MCFD2: variants seen among roughly 807,000 people sequenced by gnomAD.
MCFD2 encodes the protein multiple coagulation factor deficiency protein 2.
A neutral mutation model predicts 12.8 loss-of-function variants in MCFD2; 11 were observed. That is an observed-to-expected ratio of 0.86 (90% confidence interval 0.54 to 1.42). The LOEUF is 1.42. Ranked by LOEUF, MCFD2 falls within the 40% of genes most tolerant of loss-of-function variation. The pLI, the probability that MCFD2 is intolerant of heterozygous loss-of-function variation, is 0.00. For synonymous variants in MCFD2, 70 were observed against 68.1 expected (o/e 1.03, Z -0.14); for missense variants, 191 against 178.6 (o/e 1.07, Z -0.40).
At chr2:46,921,066 A>G (rs1669078692) in intron 1 of MCFD2, among the ~76,000 whole-genome samples, 1 of 152,160 alleles carries the variant, frequency 6.6e-6, no homozygotes, top group Non-Finnish European at 1.5e-5. Flanking sequence ...TAATATTCTT[A>G]GAGTGAAAGA....
At position 46,903,054 on chromosome 2, in the gene MCFD2, C is replaced by G. The variant is rs1449175046; in HGVS notation, c.*2409G>C. On this transcript the variant is annotated 3_prime_UTR_variant, in exon 4 of 4. Transcript: ENST00000319466. ...CAAATCTCAACTTGAATTGTATCTC[C>G]CAGAATTCCCACGTGTTGTGGGACA... is the stretch of plus-strand genomic sequence containing the variant. The G allele has an allele frequency of 6.6e-6, 1 of 152,184 alleles. No homozygotes were observed. The highest frequency in any genetic ancestry group is 1.9e-4 in the East Asian group (1 of 5,202). 9.4% of individuals were successfully genotyped at this position (152,184 alleles called of 1,614,324 possible). A position where few individuals can be genotyped will look rare whatever the true frequency, so the allele number is the denominator to read the frequency against.
At chr2:46,917,640 T>A (rs1273775865), upstream of MCFD2, among the ~76,000 whole-genome samples, 1 of 152,224 alleles carries the variant, frequency 6.6e-6, no homozygotes, top group African/African-American at 2.4e-5. Flanking sequence ...GTTATGTCTC[T>A]CTTGAATCTA....
In MCFD2 at chr2:46,915,715, T is replaced by A. The variant is rs1668721505; in HGVS notation, c.-7+8A>T. The A allele has an allele frequency of 1.0e-6, 1 of 961,124 alleles. No individual in the cohort carries two copies. The highest frequency in any genetic ancestry group is 1.2e-6 in the Non-Finnish European group (1 of 808,396). The allele number at this position is 961,124 out of a possible 1,614,324, so 59.5% of individuals were successfully genotyped here. A position where few individuals can be genotyped will look rare whatever the true frequency, so the allele number is the denominator to read the frequency against. Reference sequence around the variant, plus strand: ...CGCCCGCTGCGGAGAGTGCGCTAGTTCACTCACCCTTACGGTCTCCGAAGC... The same window carrying A: ...CGCCCGCTGCGGAGAGTGCGCTAGTACACTCACCCTTACGGTCTCCGAAGC... On this transcript the variant is annotated splice_region_variant and intron_variant, in intron 1 of 3. Transcript: ENST00000319466.
At chr2:46,925,676 C>T (rs1359301142) in intron 1 of MCFD2, among the ~76,000 whole-genome samples, 1 of 152,190 alleles carries the variant, frequency 6.6e-6, no homozygotes, top group African/African-American at 2.4e-5. Context: ...GACTTCTCCC[C>T]TGCCACCTCC....
Position 46,940,239 on chromosome 2 carries a change from C to T in MCFD2, c.-8+1333G>A, listed in dbSNP as rs1449672489. ...ACTCCAGAGGGAGGACGTGGAGCAC[C>T]TTCTAACTCTTAGGAGTCTGCTCAA... On this transcript the variant is annotated intron_variant, in intron 1 of 2. Transcript: ENST00000409147. This position sits in a 1 kb window ranked among gnomAD's most constrained non-coding sequence, Gnocchi z 4.7. 6.6e-6 allele frequency among the ~76,000 whole-genome samples: 1 copy of T among 152,130 alleles called. No homozygotes were observed. Among genetic ancestry groups the T allele is most frequent in the Admixed American group, 6.5e-5 (1 of 15,276 alleles).
chr2:46,920,364 C>G (rs1466248210), upstream of MCFD2, among the ~76,000 whole-genome samples: 1 of 151,976 alleles, frequency 6.6e-6, no homozygotes, highest in East Asian at 1.9e-4. Context: ...GAGTCTTGCT[C>G]AATTGCCCAG....
At chr2:46,934,260 CGAT>C (rs1256757338) in intron 1 of MCFD2, among the ~76,000 whole-genome samples, 2 of 152,146 alleles carry the variant, frequency 1.3e-5, no homozygotes, top group East Asian at 3.8e-4. Flanking sequence ...TAAATGAACT[CGAT>C]GACTTTTGTT....
At position 46,909,207 on chromosome 2, in the gene MCFD2, G is replaced by A. The variant is rs774014997; in HGVS notation, c.-6-30C>T. 1.9e-6 allele frequency: 3 copies of A among 1,603,876 alleles called. No homozygotes were observed. The Admixed American group carries it at 5.2e-5, about 28-fold the overall frequency. On this transcript the variant is annotated intron_variant, in intron 1 of 3. Transcript: ENST00000319466. Reference sequence around the variant, plus strand: ...GAGATGGGAAACACAGAAGAGGAAGGCAGAGCATCAGAGCAAAGGTTTCGT... The same window carrying A: ...GAGATGGGAAACACAGAAGAGGAAGACAGAGCATCAGAGCAAAGGTTTCGT...
At chr2:46,929,782 GGGCATT>G (rs1248378562) in intron 1 of MCFD2, among the ~76,000 whole-genome samples, 2 of 152,204 alleles carry the variant, frequency 1.3e-5, no homozygotes, top group Non-Finnish European at 2.9e-5. Context: ...GCCCATCTCT[GGGCATT>G]GGTATTAGGC....
chr2:46,907,117 C>T lies in MCFD2; in HGVS notation c.309+693G>A, dbSNP rs2103740399. Reference sequence around the variant, plus strand: ...GGAGCACCATACAGTATCACACAAGCCCTCAATTACTGCCACGTCCCTGAA... The same window carrying T: ...GGAGCACCATACAGTATCACACAAGTCCTCAATTACTGCCACGTCCCTGAA... On this transcript the variant is annotated intron_variant, in intron 3 of 3. Coordinates refer to ENST00000319466, the MANE Select transcript of MCFD2 (RefSeq NM_139279.6). This position sits in a 1 kb window ranked among gnomAD's most constrained non-coding sequence, Gnocchi z 4.1. 6.4e-6 allele frequency: 1 copy of T among 156,160 alleles called. No individual in the cohort carries two copies. The highest frequency in any genetic ancestry group is 3.3e-3 in the Middle Eastern group (1 of 304). The allele number at this position is 156,160 out of a possible 1,614,324, so 9.7% of individuals were successfully genotyped here. A position where few individuals can be genotyped will look rare whatever the true frequency, so the allele number is the denominator to read the frequency against.
Position 46,904,395 on chromosome 2 carries a change from A to G in MCFD2, c.*1068T>C, listed in dbSNP as rs1668134356. On this transcript the variant is annotated 3_prime_UTR_variant, in exon 4 of 4. Transcript: ENST00000319466. ...CAACAGCTTGCACCGTGCACCTGGA[A>G]AAGCCGCAGGCACTGAACAACAGCC... The G allele has an allele frequency of 1.9e-5, 3 of 156,668 alleles. No homozygotes were observed. Among genetic ancestry groups the G allele is most frequent in the Non-Finnish European group, 4.2e-5 (3 of 71,808 alleles). The allele number at this position is 156,668 out of a possible 1,614,324, so 9.7% of individuals were successfully genotyped here.
chr2:46,925,552 T>G (rs1452355186), intron 1 of MCFD2, among the ~76,000 whole-genome samples: 1 of 151,860 alleles, frequency 6.6e-6, no homozygotes, highest in Admixed American at 6.6e-5. Flanking sequence ...AGTGTCTCAA[T>G]AAATAAATAA....
chr2:46,928,785 C>T (rs952867377), intron 1 of MCFD2, among the ~76,000 whole-genome samples: 8 of 151,624 alleles, frequency 5.3e-5, no homozygotes, highest in African/African-American at 1.9e-4. Flanking sequence ...AAAAAAGTCC[C>T]ACGTTTGAAA....
chr2:46,915,007 C>T (rs976066323), intron 1 of MCFD2, among the ~76,000 whole-genome samples: 3 of 152,166 alleles, frequency 2.0e-5, no homozygotes, highest in Admixed American at 2.0e-4. Flanking sequence ...AATGGGGGGA[C>T]GCTTCTGGTC....
intron 1 of MCFD2, among the ~76,000 whole-genome samples, chr2:46,935,614 T>A (rs2103857654): frequency 6.6e-6 from 1 of 152,256 alleles, no homozygotes; most frequent in African/African-American, 2.4e-5. Flanking sequence ...CTTTTCTAGA[T>A]AGCATTCAAT....
chr2:46,911,276 T>G (rs1668474694), intron 1 of MCFD2, among the ~76,000 whole-genome samples: 1 of 151,886 alleles, frequency 6.6e-6, no homozygotes, highest in African/African-American at 2.4e-5. Flanking sequence ...TACAGGTGCA[T>G]GTCACCACGT....
chr2:46,938,689 C>T (rs779760690), intron 1 of MCFD2, among the ~76,000 whole-genome samples: 1 of 152,114 alleles, frequency 6.6e-6, no homozygotes, highest in Non-Finnish European at 1.5e-5. Context: ...TCTATGGGCC[C>T]TGTGTGGTGG....
intron 3 of MCFD2, among the ~76,000 whole-genome samples, chr2:46,906,539 C>A (rs967169520): frequency 1.5e-5 from 2 of 134,614 alleles, no homozygotes; most frequent in Non-Finnish European, 3.1e-5. Context: ...AGGCTGGAGT[C>A]CAGTAGCACG....
intron 1 of MCFD2, among the ~76,000 whole-genome samples, chr2:46,930,577 G>A (rs1315677190): frequency 6.7e-6 from 1 of 148,454 alleles, no homozygotes; most frequent in East Asian, 2.0e-4. Context: ...TTGGCTCACT[G>A]CAACCTCTGC....
Sources: allele counts gnomAD v4.1 joint callset (sites outside exome capture counted in the v4.1 genomes callset), GRCh38; gene constraint gnomAD v4.1.1; non-coding constraint Gnocchi (gnomAD v3.1); transcripts MANE v1.5; gene names NCBI Gene and HGNC (gene_info 2026-07-23, HGNC 2026-07-21).